Variants in GREB1L observed in about 807,000 individuals in gnomAD.
GREB1L encodes GREB1-like protein.
GREB1L carries 17 observed loss-of-function variants against 200.8 expected under a neutral mutation model. The ratio of observed to expected loss-of-function variants is 0.08; its 90% CI spans 0.06 to 0.13. The LOEUF is 0.13. GREB1L is among the 10% of genes least tolerant of loss of function. The pLI, the probability that GREB1L is intolerant of heterozygous loss-of-function variation, is 1.00. For missense variants in GREB1L, 1,657 were observed against 2,367.7 expected, an observed-to-expected ratio of 0.70 and a Z score of 6.23; for synonymous variants, 789 against 893.0, an observed-to-expected ratio of 0.88 and a Z score of 2.08.
At chr18:21,516,993 C>T (rs1271518872) in intron 30 of GREB1L, among the ~76,000 whole-genome samples, 2 of 151,298 alleles carry the variant, frequency 1.3e-5, no homozygotes, top group African/African-American at 4.9e-5. Flanking sequence ...TGTACCTCAG[C>T]CTCCCAAGTA....
At chr18:21,497,928 TCTC>T (rs1461019067) in intron 21 of GREB1L, among the ~76,000 whole-genome samples, 1 of 147,716 alleles carries the variant, frequency 6.8e-6, no homozygotes, top group African/African-American at 2.5e-5. Context: ...TTCAAGCGAT[TCTC>T]CTGCCTCAGC....
chr18:21,414,019 A>G (rs990818745), intron 7 of GREB1L, among the ~76,000 whole-genome samples: 3 of 152,228 alleles, frequency 2.0e-5, no homozygotes, highest in African/African-American at 7.2e-5. Flanking sequence ...ATATGTAACA[A>G]GAACATTTAA....
intron 1 of GREB1L, among the ~76,000 whole-genome samples, chr18:21,278,540 G>A (rs1487497469): frequency 6.6e-6 from 1 of 151,912 alleles, no homozygotes; most frequent in African/African-American, 2.4e-5. Flanking sequence ...TTGGTACTTG[G>A]TGGTATTGAG....
chr18:21,433,771 A>C (rs1422792939), intron 7 of GREB1L, among the ~76,000 whole-genome samples: 2 of 152,196 alleles, frequency 1.3e-5, no homozygotes, highest in African/African-American at 4.8e-5. Context: ...CACCATTAGT[A>C]AGTATCCTGT....
At chr18:21,522,595 G>C in intron 32 of GREB1L, 63 bp from the exon 33 acceptor site, 1 of 1,277,064 alleles carries the variant, frequency 7.8e-7, no homozygotes. Flanking sequence ...TATAATCAGA[G>C]ATAAAGTTCT....
At chr18:21,409,978 A>G (rs2030762665) in intron 7 of GREB1L, among the ~76,000 whole-genome samples, 1 of 152,180 alleles carries the variant, frequency 6.6e-6, no homozygotes, top group Non-Finnish European at 1.5e-5. Flanking sequence ...ACCTAGTACC[A>G]GACAAATGCC....
intron 1 of GREB1L, among the ~76,000 whole-genome samples, chr18:21,277,141 G>T (rs2038181876): frequency 6.6e-6 from 1 of 151,980 alleles, no homozygotes; most frequent in Admixed American, 6.6e-5. Flanking sequence ...TGTTAGCCAG[G>T]ATGGTCTCAA....
chr18:21,355,428 G>A (rs768385477), intron 1 of GREB1L, among the ~76,000 whole-genome samples: 7 of 151,988 alleles, frequency 4.6e-5, no homozygotes, highest in Non-Finnish European at 7.4e-5. Context: ...TCCTGACCTC[G>A]TGATCCACCT....
chr18:21,387,376 TTA>T (rs1307033260), intron 4 of GREB1L: 1 of 152,256 alleles, frequency 6.6e-6, no homozygotes, highest in African/African-American at 2.4e-5. Context: ...CTGTCTACTA[TTA>T]TTCCTTTTTA....
chr18:21,457,736 G>T (rs1479300686), intron 15 of GREB1L, among the ~76,000 whole-genome samples: 2 of 152,116 alleles, frequency 1.3e-5, no homozygotes, highest in East Asian at 3.9e-4. Context: ...CATACCAATT[G>T]ATAGAAGAGA....
At chr18:21,342,762 A>G (rs2039287632) in intron 1 of GREB1L, among the ~76,000 whole-genome samples, 1 of 152,162 alleles carries the variant, frequency 6.6e-6, no homozygotes, top group Non-Finnish European at 1.5e-5. Context: ...TCTGTCCCCC[A>G]AAAGAGTAGA....
intron 15 of GREB1L, among the ~76,000 whole-genome samples, chr18:21,458,338 G>C (rs760773962): frequency 4.6e-5 from 7 of 152,174 alleles, no homozygotes; most frequent in African/African-American, 7.2e-5. Context: ...CCTGGCACCA[G>C]CAGGTGCTCA....
At chr18:21,500,701 A>G (rs2036752778) in intron 23 of GREB1L, 59 bp downstream of exon 23, 1 of 1,229,662 alleles carries the variant, frequency 8.1e-7, no homozygotes, top group East Asian at 2.6e-5. Flanking sequence ...TTGAATTGCA[A>G]ATCCCGGGAA....
chr18:21,444,566 C>A (rs951249267), intron 11 of GREB1L, among the ~76,000 whole-genome samples, 157 bp downstream of exon 11: 1 of 152,004 alleles, frequency 6.6e-6, no homozygotes, highest in African/African-American at 2.4e-5. Context: ...GTAACTTTTC[C>A]CTTTCCTCTC....
chr18:21,410,402 TC>T (rs1163351341), intron 7 of GREB1L, among the ~76,000 whole-genome samples: 1 of 152,090 alleles, frequency 6.6e-6, no homozygotes, highest in African/African-American at 2.4e-5. Flanking sequence ...ATGCCTGTAA[TC>T]CCAGCACTTT....
intron 1 of GREB1L, among the ~76,000 whole-genome samples, chr18:21,270,960 G>A (rs1022675463): frequency 1.3e-5 from 2 of 152,172 alleles, no homozygotes; most frequent in African/African-American, 4.8e-5. Context: ...ACAGGTAGAA[G>A]TCTAGTACAC....
intron 1 of GREB1L, among the ~76,000 whole-genome samples, chr18:21,361,901 A>C (rs1177268683): frequency 1.3e-5 from 2 of 152,112 alleles, no homozygotes; most frequent in Non-Finnish European, 2.9e-5. Flanking sequence ...CTTGTTATTA[A>C]TGCCAGAGTT....
chr18:21,502,263 A>AAG (rs1555660625), intron 23 of GREB1L, among the ~76,000 whole-genome samples: 6 of 151,796 alleles, frequency 4.0e-5, no homozygotes, highest in African/African-American at 1.5e-4. Flanking sequence ...AAAAAAAAAA[A>AAG]AAGAAGAAGA....
At chr18:21,323,376 C>T (rs966075993) in intron 1 of GREB1L, among the ~76,000 whole-genome samples, 12 of 152,080 alleles carry the variant, frequency 7.9e-5, no homozygotes, top group African/African-American at 2.7e-4. Flanking sequence ...ACTGATACTA[C>T]AGACAAAGGG....
Sources: gnomAD v4.1 joint callset for allele counts (sites outside exome capture counted in the v4.1 genomes callset) on GRCh38, gnomAD v4.1.1 for gene constraint, MANE v1.5 for transcripts, NCBI Gene and HGNC (gene_info 2026-07-23, HGNC 2026-07-21) for gene names.